CDK13: variants seen among roughly 807,000 people sequenced by gnomAD.
The protein encoded by CDK13 is cyclin dependent kinase 13.
Under a neutral mutation model 137.6 loss-of-function variants are expected in CDK13, and 40 were observed. The observed-to-expected ratio is 0.29, with a 90% CI of 0.23 to 0.38. The LOEUF (loss-of-function observed/expected upper bound fraction) is 0.38, where lower values mean the gene tolerates loss of function less well. Among genes scored for constraint, CDK13 ranks in the 10% least tolerant of loss-of-function variants. The pLI, the probability that CDK13 is intolerant of heterozygous loss-of-function variation, is 1.00. For missense variants in CDK13, 1,704 were observed against 1,951.8 expected (o/e 0.87, Z 2.39); for synonymous variants, 869 against 760.1 (o/e 1.14, Z -2.36).
At chr7:40,083,000 G>A (rs1487374384) in intron 11 of CDK13, among the ~76,000 whole-genome samples, 1 of 151,702 alleles carries the variant, frequency 6.6e-6, no homozygotes, top group Non-Finnish European at 1.5e-5. Context: ...CTACTCCAGA[G>A]GGTGAGGCAC....
chr7:39,952,762 A>G (rs1787272798), intron 1 of CDK13: 1 of 152,262 alleles, frequency 6.6e-6, no homozygotes, highest in South Asian at 2.1e-4. Context: ...ATCTTTGTCC[A>G]GAAATCTTTA....
chr7:39,992,111 ACACACACAAGCACACACG>A (rs1784470486), intron 2 of CDK13, among the ~76,000 whole-genome samples: 1 of 122,846 alleles, frequency 8.1e-6, no homozygotes, highest in Non-Finnish European at 1.5e-5. Flanking sequence ...ACACGCACAC[ACACACACAAGCACACACG>A]CTCCATCTCT....
intron 1 of CDK13, among the ~76,000 whole-genome samples, chr7:39,957,114 T>TGC (rs1562696369): frequency 6.6e-6 from 1 of 151,592 alleles, no homozygotes; most frequent in Admixed American, 6.6e-5. Context: ...TGTGTGTGTG[T>TGC]GTGTGTGTGT....
rs1584103482 is a variant in CDK13, at chr7:40,097,996, G to T, written c.*3016G>T. 1 of 152,112 alleles carries T rather than the reference G, an allele frequency of 6.6e-6. No individual in the cohort carries two copies. The highest frequency in any genetic ancestry group is 1.9e-4 in the East Asian group (1 of 5,194). The allele number at this position is 152,112 out of a possible 1,614,324, so 9.4% of individuals were successfully genotyped here. On this transcript the variant is annotated 3_prime_UTR_variant, in exon 14 of 14. Transcript: ENST00000181839. ...CTTTCAGTGTGCTGACAGTGAGCAAGATTTTTTTAAATGTCTGGAGAAGTT... is the reference window on the plus strand; with the variant it reads ...CTTTCAGTGTGCTGACAGTGAGCAATATTTTTTTAAATGTCTGGAGAAGTT...
chr7:39,997,764 T>C, intron 3 of CDK13, 100 bp downstream of exon 3: 1 of 850,158 alleles, frequency 1.2e-6, no homozygotes, highest in South Asian at 1.8e-5. Context: ...ATAAAAAATG[T>C]ACTTATTCTT....
At chr7:39,986,740 C>T (rs1434959880) in intron 1 of CDK13, 1 of 152,110 alleles carries the variant, frequency 6.6e-6, no homozygotes, top group Non-Finnish European at 1.5e-5. Context: ...GTTGCATTTT[C>T]TGTGTGAAAT....
chr7:40,070,681 C>G (rs1186933508), intron 9 of CDK13: 2 of 152,456 alleles, frequency 1.3e-5, no homozygotes, highest in African/African-American at 4.8e-5. Context: ...CACTGCACTC[C>G]AGCCTGGGCA....
At chr7:40,017,333 GTTAGATGATAC>G (rs1785024474) in intron 5 of CDK13, among the ~76,000 whole-genome samples, 2 of 152,046 alleles carry the variant, frequency 1.3e-5, no homozygotes, top group Non-Finnish European at 2.9e-5. Flanking sequence ...GGAATTGCTA[GTTAGATGATAC>G]AATTCTTTTG....
chr7:40,056,755 C>T lies in CDK13; in HGVS notation c.2601-6071C>T, dbSNP rs147688679. 1.2e-3 allele frequency among the ~76,000 whole-genome samples: 181 copies of T among 152,284 alleles called. 5 individuals carry two copies. The East Asian group carries it at 0.026, about 22-fold the overall frequency. ...TAGTGGAAAGACAGATTAATTATATCATAAGGATGTAGACTTGTTAGACCT... is the reference window on the plus strand; with the variant it reads ...TAGTGGAAAGACAGATTAATTATATTATAAGGATGTAGACTTGTTAGACCT... On this transcript the variant is annotated intron_variant, in intron 7 of 13. Coordinates refer to ENST00000181839, the MANE Select transcript of CDK13 (RefSeq NM_003718.5).
At chr7:40,019,585 G>A (rs943065210) in intron 5 of CDK13, among the ~76,000 whole-genome samples, 9 of 152,028 alleles carry the variant, frequency 5.9e-5, no homozygotes, top group Non-Finnish European at 1.3e-4. Flanking sequence ...CATTGTGAGG[G>A]TTCATCTTTT....
At chr7:40,078,480 A>G (rs1786594466) in intron 10 of CDK13, 1 of 276,116 alleles carries the variant, frequency 3.6e-6, no homozygotes, top group Admixed American at 5.0e-5. Flanking sequence ...ATAAGTAACA[A>G]TATATACTAT....
chr7:40,065,813 A>G (rs2150528676), intron 9 of CDK13, among the ~76,000 whole-genome samples: 1 of 152,328 alleles, frequency 6.6e-6, no homozygotes, highest in African/African-American at 2.4e-5. Flanking sequence ...GAAGAAACCT[A>G]TGATCTGGTC....
intron 1 of CDK13, among the ~76,000 whole-genome samples, chr7:39,976,603 C>CA (rs979366934): frequency 6.6e-6 from 1 of 151,900 alleles, no homozygotes; most frequent in African/African-American, 2.4e-5. Context: ...CTAATACTCC[C>CA]AGCGGTTGTC....
chr7:40,091,907 G>C (rs779432650), intron 12 of CDK13, among the ~76,000 whole-genome samples: 1 of 152,104 alleles, frequency 6.6e-6, no homozygotes, highest in Non-Finnish European at 1.5e-5. Context: ...ACCATATATG[G>C]TATTATATGC....
Position 40,038,330 on chromosome 7 carries a change from G to A in CDK13, c.2354-7506G>A, listed in dbSNP as rs551583204. On this transcript the variant is annotated intron_variant, in intron 5 of 13. Coordinates refer to ENST00000181839, the MANE Select transcript of CDK13 (RefSeq NM_003718.5). ...CATTTTGTTAGTAGACAAAAATCAC[G>A]CATTGCTTAGAGGCACTGCACTGTG... Among the ~76,000 whole-genome samples, 21 of 152,186 alleles carry A rather than the reference G, an allele frequency of 1.4e-4. No homozygotes were observed. The South Asian group carries it at 4.4e-3, about 32-fold the overall frequency.
chr7:40,092,093 A>G (rs373923992), intron 12 of CDK13, among the ~76,000 whole-genome samples: 238 of 147,718 alleles, frequency 1.6e-3, no homozygotes, highest in African/African-American at 5.8e-3. Flanking sequence ...AGGCATTCCT[A>G]ACTTACCCAA....
At chr7:40,011,063 G>A (rs965387689) in intron 5 of CDK13, among the ~76,000 whole-genome samples, 2 of 152,088 alleles carry the variant, frequency 1.3e-5, no homozygotes, top group African/African-American at 4.8e-5. Context: ...TAAGATGGCA[G>A]TACTTCTCAA....
In CDK13 at chr7:39,951,311, G is replaced by T. The variant is rs1787178452; in HGVS notation, c.670G>T (p.Gly224Cys). The change falls in exon 1 of 14, where the codon GGT becomes TGT. Residue 224 changes from glycine to cysteine, a missense_variant. Transcript: ENST00000181839. ...REHRRRDGQR[G>C]GSEASKSRSR... is the part of the protein sequence containing the mutation. Reference sequence around the variant, plus strand: ...GCACCGGCGGCGGGATGGGCAGCGCGGTGGCAGCGAGGCCTCCAAGTCCCG... The same window carrying T: ...GCACCGGCGGCGGGATGGGCAGCGCTGTGGCAGCGAGGCCTCCAAGTCCCG... 2 of 1,396,652 alleles carry T rather than the reference G, an allele frequency of 1.4e-6. No individual in the cohort carries two copies. The highest frequency in any genetic ancestry group is 1.8e-6 in the Non-Finnish European group (2 of 1,085,482). The allele number at this position is 1,396,652 out of a possible 1,614,324, so 86.5% of individuals were successfully genotyped here. A position where few individuals can be genotyped will look rare whatever the true frequency, so the allele number is the denominator to read the frequency against.
chr7:40,008,074 C>A (rs772709858), intron 5 of CDK13, among the ~76,000 whole-genome samples: 2 of 152,112 alleles, frequency 1.3e-5, no homozygotes, highest in African/African-American at 4.8e-5. Context: ...ATTTATATTC[C>A]CGCAGTTTAG....
Sources: gnomAD v4.1 joint callset for allele counts (sites outside exome capture counted in the v4.1 genomes callset) on GRCh38, gnomAD v4.1.1 for gene constraint, MANE v1.5 for transcripts, NCBI Gene and HGNC (gene_info 2026-07-23, HGNC 2026-07-21) for gene names.